Variants in USP6 observed in about 807,000 individuals in gnomAD.
The protein encoded by USP6 is ubiquitin carboxyl-terminal hydrolase 6.
Under a neutral mutation model 175.7 loss-of-function variants are expected in USP6, and 128 were observed. The ratio of observed to expected loss-of-function variants is 0.73; its 90% CI spans 0.63 to 0.84. The LOEUF is 0.84. Ranked by LOEUF, USP6 falls within the 40% of genes least tolerant of loss-of-function variation. The probability of loss-of-function intolerance (pLI) is 0.00; values close to 1 mark genes in which losing one functional copy is unlikely to be tolerated. For missense variants in USP6, 1,498 were observed against 1,760.3 expected (o/e 0.85, Z 2.67); for synonymous variants, 562 against 630.6 (o/e 0.89, Z 1.63).
At chr17:5,169,925 GATAGA>G (rs2074176914) in intron 35 of USP6, among the ~76,000 whole-genome samples, 1 of 152,220 alleles carries the variant, frequency 6.6e-6, no homozygotes, top group Admixed American at 6.5e-5. Flanking sequence ...AGGAAATATT[GATAGA>G]TAAAATTCAC....
At chr17:5,167,813 TTC>T (rs1476948831) in intron 33 of USP6, 117 bp from the exon 34 acceptor site, 2 of 1,262,612 alleles carry the variant, frequency 1.6e-6, no homozygotes, top group Non-Finnish European at 2.2e-6. Flanking sequence ...CAGTTGTATT[TTC>T]TTTTTCCTTA....
intron 33 of USP6, among the ~76,000 whole-genome samples, chr17:5,163,950 C>T (rs541732092): frequency 1.3e-5 from 2 of 152,304 alleles, no homozygotes; most frequent in Admixed American, 1.3e-4. Flanking sequence ...GAAAATGTTG[C>T]TTCAGAAATA....
At chr17:5,157,905 C>T (rs146640665) in intron 31 of USP6, among the ~76,000 whole-genome samples, 3 of 152,246 alleles carry the variant, frequency 2.0e-5, no homozygotes, top group African/African-American at 7.2e-5. Flanking sequence ...GAATTACAGG[C>T]GTGAGCCACT....
chr17:5,123,291 G>T (rs1159700562), intron 4 of USP6, among the ~76,000 whole-genome samples: 2 of 151,998 alleles, frequency 1.3e-5, no homozygotes, highest in Non-Finnish European at 2.9e-5. Flanking sequence ...CCTTTTCCCC[G>T]CACCGCCGGT....
intron 3 of USP6, among the ~76,000 whole-genome samples, chr17:5,121,073 A>G (rs1689842532): frequency 6.6e-6 from 1 of 152,206 alleles, no homozygotes; most frequent in African/African-American, 2.4e-5. Context: ...GTACATACGC[A>G]TACCCTTGGC....
chr17:5,171,519 C>A, intron 36 of USP6, 68 bp from the exon 37 acceptor site: 1 of 1,453,264 alleles, frequency 6.9e-7, no homozygotes, highest in Non-Finnish European at 9.5e-7. Context: ...CTGCTCAGAT[C>A]TTAGTGCTAT....
chr17:5,155,845 A>G (rs1461656663), intron 31 of USP6, among the ~76,000 whole-genome samples: 1 of 152,230 alleles, frequency 6.6e-6, no homozygotes, highest in East Asian at 1.9e-4. Flanking sequence ...GGGACAATAC[A>G]GCTTCCTTTT....
In USP6 at chr17:5,132,929, C is replaced by G. The variant is rs72830922; in HGVS notation, c.215C>G (p.Thr72Arg). ...REAKKIRREMTRTSKWMEMLG... is the reference protein window; with the variant it reads ...REAKKIRREMRRTSKWMEMLG... Reference sequence around the variant, plus strand: ...TGACAGAAAATTCGGCGGGAGATGACACGAACGAGCAAGTGGATGGAAATG... The same window carrying G: ...TGACAGAAAATTCGGCGGGAGATGAGACGAACGAGCAAGTGGATGGAAATG... Residue 72 changes from threonine to arginine, a missense_variant, in exon 13 of 38, where the codon ACA (threonine) becomes AGA (arginine). Coordinates refer to ENST00000574788, the MANE Select transcript of USP6 (RefSeq NM_001304284.2). This position sits in a 1 kb window ranked among gnomAD's most constrained non-coding sequence, Gnocchi z 4.7. 1 of 1,614,140 alleles carries G rather than the reference C, an allele frequency of 6.2e-7. No homozygotes were observed. The highest frequency in any genetic ancestry group is 8.5e-7 in the Non-Finnish European group (1 of 1,180,014).
At position 5,144,592 on chromosome 17, in the gene USP6, T is replaced by C. The variant is rs113986008; in HGVS notation, c.1819-98T>C. The C allele has an allele frequency of 0.012, 16,778 of 1,389,444 alleles. 1,627 individuals carry two copies. The African/African-American group carries it at 0.21, about 18-fold the overall frequency. The allele number at this position is 1,389,444 out of a possible 1,614,324, so 86.1% of individuals were successfully genotyped here. A position where few individuals can be genotyped will look rare whatever the true frequency, so the allele number is the denominator to read the frequency against. On this transcript the variant is annotated intron_variant, in intron 25 of 37. Transcript: ENST00000574788. ...TGGAGGCAGACTAAGTACTATACTA[T>C]TTATTTTCTTACAATGGCTCTGATT...
intron 28 of USP6, among the ~76,000 whole-genome samples, chr17:5,146,535 C>A (rs2073617299): frequency 1.3e-5 from 2 of 152,136 alleles, no homozygotes. Context: ...TACTAGAATT[C>A]TTCCTAGGTT....
intron 30 of USP6, among the ~76,000 whole-genome samples, chr17:5,152,101 G>A (rs2073786532): frequency 6.6e-6 from 1 of 152,036 alleles, no homozygotes; most frequent in South Asian, 2.1e-4. Context: ...AATTAACTGG[G>A]CATGGTGGTG....
At chr17:5,140,515 G>A (rs1032289697) in intron 22 of USP6, among the ~76,000 whole-genome samples, 4 of 152,296 alleles carry the variant, frequency 2.6e-5, no homozygotes, top group Non-Finnish European at 2.9e-5. Flanking sequence ...CCAAGAAGCA[G>A]TGAGCCATGA....
intron 4 of USP6, chr17:5,122,841 C>T (rs2072734542): frequency 6.6e-6 from 1 of 152,288 alleles, no homozygotes; most frequent in Non-Finnish European, 1.5e-5. Context: ...TCTTAGAGGT[C>T]TGTGGCCCCG....
At chr17:5,143,517 G>A (rs1259046216) in intron 25 of USP6, among the ~76,000 whole-genome samples, 3 of 151,454 alleles carry the variant, frequency 2.0e-5, no homozygotes, top group Non-Finnish European at 4.4e-5. Context: ...GATTAAGGGC[G>A]GTGCAAGATG....
chr17:5,137,603 GC>G, intron 19 of USP6, 47 bp from the exon 20 acceptor site: 1 of 1,576,148 alleles, frequency 6.3e-7, no homozygotes, highest in Non-Finnish European at 8.6e-7. Flanking sequence ...CGAGCCACCA[GC>G]CCCAGCCTGG....
intron 31 of USP6, among the ~76,000 whole-genome samples, chr17:5,155,807 A>G (rs554454238): frequency 7.2e-5 from 11 of 152,302 alleles, no homozygotes; most frequent in African/African-American, 2.6e-4. Flanking sequence ...ATACAATTCA[A>G]CCATTTGGCT....
chr17:5,145,438 A>G lies in USP6; in HGVS notation c.2026A>G (p.Ile676Val). ...WDNHLRRNRS[I>V]IVDLFHGQLR... ...CAACCATCTAAGAAGAAATAGATCAATTATTGTGGATTTGTTCCATGGGCA... is the reference window on the plus strand; with the variant it reads ...CAACCATCTAAGAAGAAATAGATCAGTTATTGTGGATTTGTTCCATGGGCA... Residue 676 changes from isoleucine to valine, a missense_variant, in exon 27 of 38, where the codon ATT becomes GTT. Transcript: ENST00000574788. 6.2e-7 allele frequency: 1 copy of G among 1,611,562 alleles called. No homozygotes were observed. The highest frequency in any genetic ancestry group is 8.5e-7 in the Non-Finnish European group (1 of 1,178,982).
At position 5,142,123 on chromosome 17, in the gene USP6, A is replaced by G; in HGVS notation, c.1694A>G (p.His565Arg). ...PLTQYFISGR[H>R]LYELNRTNPI... ...ACACAGTATTTTATCTCAGGGAGACATCTTTATGAACTCAACAGGTAAACT... is the reference window on the plus strand; with the variant it reads ...ACACAGTATTTTATCTCAGGGAGACGTCTTTATGAACTCAACAGGTAAACT... The change falls in exon 24 of 38, where the codon CAT becomes CGT. Residue 565 changes from histidine (H) to arginine (R), a missense_variant. His to Arg is a conservative substitution (Grantham distance 29). Transcript: ENST00000574788. 1.9e-6 allele frequency: 3 copies of G among 1,613,138 alleles called. No individual in the cohort carries two copies. Among genetic ancestry groups the G allele is most frequent in the Non-Finnish European group, 2.5e-6 (3 of 1,179,608 alleles).
At chr17:5,140,197 A>G (rs1296451582) in intron 22 of USP6, among the ~76,000 whole-genome samples, 1 of 152,204 alleles carries the variant, frequency 6.6e-6, no homozygotes, top group Non-Finnish European at 1.5e-5. Context: ...GAAATATTGT[A>G]AAGGCACTAC....
Sources: gnomAD v4.1 joint callset for allele counts (sites outside exome capture counted in the v4.1 genomes callset) on GRCh38, gnomAD v4.1.1 for gene constraint, Gnocchi (gnomAD v3.1) non-coding constraint, MANE v1.5 for transcripts, NCBI Gene and HGNC (gene_info 2026-07-23, HGNC 2026-07-21) for gene names.